The following ZC3H12B variants were observed in gnomAD, a reference collection of about 807,000 sequenced individuals.
ZC3H12B encodes probable ribonuclease ZC3H12B.
Under a neutral mutation model 43.9 loss-of-function variants are expected in ZC3H12B, and 7 were observed. The ratio of observed to expected loss-of-function variants is 0.16; its 90% CI spans 0.09 to 0.30. ZC3H12B has a LOEUF of 0.30. ZC3H12B is among the 10% of genes least tolerant of loss of function. The pLI is 1.00. For missense variants in ZC3H12B, 475 were observed against 670.2 expected (o/e 0.71, Z 3.22); for synonymous variants, 222 against 241.7 (o/e 0.92, Z 0.76).
At chrX:65,082,261 A>T in the ZC3H12B span, among the ~76,000 whole-genome samples, 2 of 111,722 alleles carry the variant, frequency 1.8e-5, no homozygotes, top group African/African-American at 6.5e-5. Context: ...AATAAAATTG[A>T]TAATAAAGAT....
At chrX:65,039,630 G>T in the ZC3H12B span, among the ~76,000 whole-genome samples, 1 of 110,884 alleles carries the variant, frequency 9.0e-6, no homozygotes, top group Non-Finnish European at 1.9e-5. Flanking sequence ...TTTCACAAAA[G>T]ATATCTATCT....
At chrX:65,110,286 A>G in the ZC3H12B span, among the ~76,000 whole-genome samples, 1 of 109,997 alleles carries the variant, frequency 9.1e-6, no homozygotes, top group Admixed American at 9.8e-5. Context: ...CAAAAATTTT[A>G]TATTTGATAA....
the ZC3H12B span, among the ~76,000 whole-genome samples, chrX:65,248,795 C>G: frequency 4.5e-5 from 5 of 111,490 alleles, no homozygotes; most frequent in Non-Finnish European, 9.4e-5. Flanking sequence ...AAGGTGGTAT[C>G]GCATTGTGGT....
At chrX:65,079,319 A>C in the ZC3H12B span, among the ~76,000 whole-genome samples, 1 of 112,677 alleles carries the variant, frequency 8.9e-6, no homozygotes, top group Admixed American at 9.3e-5. Context: ...GGAAGGATGC[A>C]GGCCTGGCCT....
At chrX:65,483,135 A>G (rs985439020) in intron 3 of ZC3H12B, among the ~76,000 whole-genome samples, 2 of 112,089 alleles carry the variant, frequency 1.8e-5, no homozygotes, top group Non-Finnish European at 3.8e-5. Flanking sequence ...TATAAAAAAC[A>G]GTTTTGTTTG....
the ZC3H12B span, among the ~76,000 whole-genome samples, chrX:65,182,380 G>T: frequency 1.8e-5 from 2 of 110,823 alleles, no homozygotes; most frequent in Non-Finnish European, 3.8e-5. Context: ...TAACAAACCT[G>T]CACGTTCTGC....
intron 3 of ZC3H12B, among the ~76,000 whole-genome samples, chrX:65,427,091 G>A (rs1265770618): frequency 3.6e-5 from 4 of 111,646 alleles, no homozygotes; most frequent in African/African-American, 6.5e-5. Flanking sequence ...TTGTGTGGGA[G>A]TCTAAGTCTC....
At chrX:65,241,457 G>A in the ZC3H12B span, among the ~76,000 whole-genome samples, 1 of 69,818 alleles carries the variant, frequency 1.4e-5, no homozygotes, top group Non-Finnish European at 2.8e-5. Flanking sequence ...TTCCCCTCCT[G>A]GGGGCTTCAT....
upstream of ZC3H12B, among the ~76,000 whole-genome samples, chrX:65,488,061 C>T (rs1037486095): frequency 3.6e-5 from 4 of 110,433 alleles, no homozygotes; most frequent in South Asian, 3.9e-4. Context: ...TTAGTAGAGA[C>T]GGGGTTTCAC....
chrX:65,431,216 G>A (rs1293003202), intron 3 of ZC3H12B, among the ~76,000 whole-genome samples: 2 of 112,607 alleles, frequency 1.8e-5, no homozygotes, highest in Non-Finnish European at 3.8e-5. Flanking sequence ...TCCATGGATG[G>A]TAGTTCTGGC....
the ZC3H12B span, among the ~76,000 whole-genome samples, chrX:65,172,999 T>C: frequency 8.9e-6 from 1 of 112,166 alleles, no homozygotes; most frequent in African/African-American, 3.2e-5. Flanking sequence ...GCATTGAATC[T>C]ATAAATTACT....
chrX:65,415,081 G>A (rs1426395790), intron 3 of ZC3H12B, among the ~76,000 whole-genome samples: 1 of 111,967 alleles, frequency 8.9e-6, no homozygotes, highest in African/African-American at 3.2e-5. Flanking sequence ...CCAGAAAGGT[G>A]GGATAACTTG....
At chrX:65,181,436 GCAAAA>G in the ZC3H12B span, among the ~76,000 whole-genome samples, 1 of 111,593 alleles carries the variant, frequency 9.0e-6, no homozygotes, top group Admixed American at 9.6e-5. Flanking sequence ...CTTCTGCACA[GCAAAA>G]CAAACTATCA....
intron 2 of ZC3H12B, among the ~76,000 whole-genome samples, chrX:65,386,403 A>C (rs767873360): frequency 5.8e-4 from 64 of 111,176 alleles, no homozygotes; most frequent in Non-Finnish European, 1.2e-3. Flanking sequence ...TAATTTATTC[A>C]TTTCTTCTGG....
At chrX:65,322,761 T>C in the ZC3H12B span, among the ~76,000 whole-genome samples, 1 of 111,773 alleles carries the variant, frequency 8.9e-6, no homozygotes, top group African/African-American at 3.2e-5. Flanking sequence ...AGAATTTTTT[T>C]TTCTGTTTCT....
At chrX:65,193,489 T>C in the ZC3H12B span, among the ~76,000 whole-genome samples, 1 of 111,918 alleles carries the variant, frequency 8.9e-6, no homozygotes, top group East Asian at 2.8e-4. Context: ...TAATGTTTCC[T>C]TTTTATCTCT....
chrX:65,162,665 C>T, the ZC3H12B span, among the ~76,000 whole-genome samples: 14 of 111,538 alleles, frequency 1.3e-4, no homozygotes, highest in African/African-American at 3.3e-4. Context: ...GTTATACATT[C>T]GTCTAAATTT....
At chrX:65,144,062 G>A in the ZC3H12B span, among the ~76,000 whole-genome samples, 2 of 111,656 alleles carry the variant, frequency 1.8e-5, no homozygotes, top group Non-Finnish European at 3.8e-5. Flanking sequence ...GTGGAATTGT[G>A]TCAGTAGGAT....
the ZC3H12B span, among the ~76,000 whole-genome samples, chrX:65,276,213 G>A: frequency 9.0e-6 from 1 of 111,398 alleles, no homozygotes; most frequent in Non-Finnish European, 1.9e-5. Context: ...ACCATTAAGT[G>A]AACAAATATT....
Sources: allele counts gnomAD v4.1 joint callset (sites outside exome capture counted in the v4.1 genomes callset), GRCh38; gene constraint gnomAD v4.1.1; transcripts MANE v1.5; gene names NCBI Gene and HGNC (gene_info 2026-07-23, HGNC 2026-07-21).